TBC1D5: variants seen among roughly 807,000 people sequenced by gnomAD.
TBC1D5 encodes the protein TBC1 domain family, member 5.
TBC1D5 carries 75 observed loss-of-function variants against 100.3 expected under a neutral mutation model. The observed-to-expected ratio is 0.75, with a 90% CI of 0.62 to 0.91. The LOEUF (loss-of-function observed/expected upper bound fraction) is 0.91. Among genes scored for constraint, TBC1D5 ranks in the 40% least tolerant of loss-of-function variants. The pLI is 0.00. For synonymous variants in TBC1D5, 323 were observed against 325.6 expected, an observed-to-expected ratio of 0.99 and a Z score of 0.09; for missense variants, 910 against 942.4, an observed-to-expected ratio of 0.97 and a Z score of 0.45.
intron 18 of TBC1D5, among the ~76,000 whole-genome samples, chr3:17,200,532 G>T (rs1240784702): frequency 1.3e-5 from 2 of 152,236 alleles, no homozygotes; most frequent in Non-Finnish European, 1.5e-5. Flanking sequence ...CAGGGAACCT[G>T]TTTGATCCTG....
chr3:17,634,621 T>C (rs1031787070), intron 1 of TBC1D5, among the ~76,000 whole-genome samples: 2 of 118,824 alleles, frequency 1.7e-5, no homozygotes, highest in Admixed American at 8.8e-5. Context: ...GGATGGCTAA[T>C]AGGGTAAAAA....
chr3:17,600,505 A>G (rs746647198), intron 2 of TBC1D5, among the ~76,000 whole-genome samples: 5 of 152,192 alleles, frequency 3.3e-5, no homozygotes, highest in Non-Finnish European at 5.9e-5. Context: ...TAAAGATTCC[A>G]TGCAAGATTA....
chr3:17,607,749 CTTG>C (rs2061423225), intron 2 of TBC1D5, among the ~76,000 whole-genome samples: 1 of 151,964 alleles, frequency 6.6e-6, no homozygotes, highest in Non-Finnish European at 1.5e-5. Flanking sequence ...TAACTGCTCA[CTTG>C]TTGAACAGGA....
intron 2 of TBC1D5, among the ~76,000 whole-genome samples, chr3:17,619,004 A>C (rs1342545019): frequency 6.6e-6 from 1 of 152,184 alleles, no homozygotes; most frequent in African/African-American, 2.4e-5. Context: ...GGAGCTGCAG[A>C]CCGGAGCTGT....
chr3:17,188,882 C>G (rs1032985049), intron 18 of TBC1D5, among the ~76,000 whole-genome samples: 1 of 152,190 alleles, frequency 6.6e-6, no homozygotes, highest in Non-Finnish European at 1.5e-5. Flanking sequence ...TGAAACCAAC[C>G]AGCTAGTGTT....
intron 16 of TBC1D5, among the ~76,000 whole-genome samples, chr3:17,246,523 C>T (rs984258405): frequency 6.6e-6 from 1 of 152,082 alleles, no homozygotes; most frequent in African/African-American, 2.4e-5. Context: ...TCAAGACTTG[C>T]TATAAAGTTA....
intron 1 of TBC1D5, among the ~76,000 whole-genome samples, chr3:17,630,704 A>C (rs1392299134): frequency 1.3e-5 from 2 of 152,148 alleles, no homozygotes; most frequent in Non-Finnish European, 2.9e-5. Flanking sequence ...ATTTGAAATA[A>C]AAAGCTATTT....
At chr3:17,501,279 C>A (rs1359651577) in intron 3 of TBC1D5, among the ~76,000 whole-genome samples, 1 of 149,246 alleles carries the variant, frequency 6.7e-6, no homozygotes, top group African/African-American at 2.6e-5. Context: ...AATAATGGAG[C>A]ATTGAGCTGC....
At chr3:17,638,246 CCA>C (rs2064152569) in intron 1 of TBC1D5, among the ~76,000 whole-genome samples, 1 of 152,014 alleles carries the variant, frequency 6.6e-6, no homozygotes, top group African/African-American at 2.4e-5. Context: ...GTAAGCATAA[CCA>C]CAGTCAATTT....
At chr3:17,241,502 T>C (rs1272807434) in intron 16 of TBC1D5, among the ~76,000 whole-genome samples, 1 of 152,196 alleles carries the variant, frequency 6.6e-6, no homozygotes, top group African/African-American at 2.4e-5. Context: ...ATTACTATTG[T>C]CTATCTACTG....
At chr3:17,556,827 T>C (rs2096525316) in intron 2 of TBC1D5, among the ~76,000 whole-genome samples, 1 of 152,194 alleles carries the variant, frequency 6.6e-6, no homozygotes, top group Non-Finnish European at 1.5e-5. Context: ...ATAATTTACA[T>C]ACAGAAGTGA....
chr3:17,439,028 A>G (rs2094588114), intron 3 of TBC1D5, among the ~76,000 whole-genome samples: 1 of 152,152 alleles, frequency 6.6e-6, no homozygotes, highest in East Asian at 1.9e-4. Flanking sequence ...ATACCTATAG[A>G]ATATTTATAT....
At chr3:17,681,116 G>C (rs2069396961) in intron 1 of TBC1D5, among the ~76,000 whole-genome samples, 1 of 151,462 alleles carries the variant, frequency 6.6e-6, no homozygotes, top group Admixed American at 6.6e-5. Context: ...CCACACATAA[G>C]ACATAGTATT....
At chr3:17,590,292 G>T (rs879544687) in intron 2 of TBC1D5, among the ~76,000 whole-genome samples, 1 of 152,214 alleles carries the variant, frequency 6.6e-6, no homozygotes, top group Non-Finnish European at 1.5e-5. Context: ...TGAATTTATT[G>T]ATTTGGGCCC....
intron 18 of TBC1D5, 90 bp downstream of exon 19, chr3:17,214,117 A>AT: frequency 7.5e-7 from 1 of 1,340,548 alleles, no homozygotes; most frequent in Admixed American, 2.7e-5. Context: ...TAAGAGCTTT[A>AT]TAAAACTGGG....
intron 1 of TBC1D5, among the ~76,000 whole-genome samples, chr3:17,736,768 C>T (rs1020204704): frequency 2.6e-5 from 4 of 152,132 alleles, no homozygotes; most frequent in African/African-American, 9.7e-5. Context: ...TTCCAGCACT[C>T]CAGGAAGCTG....
At chr3:17,529,326 C>T (rs2096184467) in intron 2 of TBC1D5, among the ~76,000 whole-genome samples, 1 of 152,140 alleles carries the variant, frequency 6.6e-6, no homozygotes, top group Non-Finnish European at 1.5e-5. Flanking sequence ...CTTCAGCTTG[C>T]AATATCTCTG....
intron 1 of TBC1D5, chr3:17,699,829 A>G (rs1237650390): frequency 1.3e-5 from 2 of 151,680 alleles, no homozygotes; most frequent in African/African-American, 2.4e-5. Context: ...AAAAAAAAAG[A>G]AAGAAAGTTT....
chr3:17,730,405 T>C (rs192476834), intron 1 of TBC1D5, among the ~76,000 whole-genome samples: 1 of 152,318 alleles, frequency 6.6e-6, no homozygotes, highest in African/African-American at 2.4e-5. Flanking sequence ...TTTTCCACTT[T>C]TTGCCTCTTG....
Sources: gnomAD v4.1 joint callset for allele counts (sites outside exome capture counted in the v4.1 genomes callset) on GRCh38, gnomAD v4.1.1 for gene constraint, MANE v1.5 for transcripts, NCBI Gene and HGNC (gene_info 2026-07-23, HGNC 2026-07-21) for gene names.